COL12A1: variants seen among roughly 807,000 people sequenced by gnomAD.
COL12A1 encodes collagen type XII alpha 1 chain.
Under a neutral mutation model 349.7 loss-of-function variants are expected in COL12A1, and 114 were observed. That is an observed-to-expected ratio of 0.33 (90% CI 0.28 to 0.38). COL12A1 has a LOEUF of 0.38. Among genes scored for constraint, COL12A1 ranks in the 10% least tolerant of loss-of-function variants. The probability of loss-of-function intolerance (pLI) is 1.00; values close to 1 mark genes in which losing one functional copy is unlikely to be tolerated. For missense variants in COL12A1, 3,284 were observed against 3,756.9 expected (o/e 0.87, Z 3.29); for synonymous variants, 1,369 against 1,329.0 (o/e 1.03, Z -0.66).
At chr6:75,096,276 A>T (rs879925037) in intron 59 of COL12A1, among the ~76,000 whole-genome samples, 13 of 152,234 alleles carry the variant, frequency 8.5e-5, no homozygotes, top group Non-Finnish European at 1.8e-4. Flanking sequence ...AATACTTAAC[A>T]TGAAAGTTTG....
chr6:75,151,142 T>A lies in COL12A1; in HGVS notation c.4146A>T (p.Pro1382=). ...AGAGAAACTCTGGGTTAAACTTACCTGGACCTTTGACACTGTTACACAAAT... is the reference window on the plus strand; with the variant it reads ...AGAGAAACTCTGGGTTAAACTTACCAGGACCTTTGACACTGTTACACAAAT... ...TINLCNSVKG[P]GDLEAPSNLV... The change falls in exon 21 of 66, where the codon CCA becomes CCT. Residue 1382 remains proline (P), a splice_region_variant and synonymous_variant. Coordinates refer to ENST00000322507, the MANE Select transcript of COL12A1 (RefSeq NM_004370.6). 1 of 1,444,156 alleles carries A rather than the reference T, an allele frequency of 6.9e-7. No individual in the cohort carries two copies. Among genetic ancestry groups the A allele is most frequent in the Non-Finnish European group, 9.3e-7 (1 of 1,075,340 alleles). The allele number at this position is 1,444,156 out of a possible 1,614,324, so 89.5% of individuals were successfully genotyped here.
intron 36 of COL12A1, 75 bp downstream of exon 36, chr6:75,130,777 A>C (rs1582098585): frequency 1.3e-6 from 2 of 1,576,558 alleles, no homozygotes; most frequent in East Asian, 4.5e-5. Flanking sequence ...CCCCCCTCCC[A>C]CCACTCATTC....
Position 75,087,734 on chromosome 6 carries a change from T to C in COL12A1, c.9024A>G (p.Glu3008=). The C allele has an allele frequency of 6.2e-7, 1 of 1,606,442 alleles. No homozygotes were observed. The highest frequency in any genetic ancestry group is 1.1e-5 in the South Asian group (1 of 89,670). ...TGGACCCTGGTGGACCTGTTCTGGA[T>C]TCTCCTTGTGGACCTAGTGTGGAGT... ...GLPGPPGPQG[E]SRTGPPGSTG... Residue 3008 remains glutamate, a synonymous_variant, in exon 65 of 66, where the codon GAA becomes GAG. Coordinates refer to ENST00000322507, the MANE Select transcript of COL12A1 (RefSeq NM_004370.6).
At chr6:75,113,514 T>C in intron 50 of COL12A1, 88 bp downstream of exon 50, 1 of 1,212,414 alleles carries the variant, frequency 8.2e-7, no homozygotes, top group Non-Finnish European at 1.1e-6. Context: ...AATATATATA[T>C]AGTCTATATT....
In COL12A1 at chr6:75,098,000, A is replaced by C. The variant is rs1400208068; in HGVS notation, c.8524-694T>G. Among the ~76,000 whole-genome samples, 4 of 152,214 alleles carry C rather than the reference A, an allele frequency of 2.6e-5. No homozygotes were observed. In the East Asian group the frequency reaches 7.7e-4, roughly 29 times the overall value. Reference sequence around the variant, plus strand: ...ATTTATAATATGTACTGGTCAATACATCATGTTCTAAAGCCTAAAATTTCC... The same window carrying C: ...ATTTATAATATGTACTGGTCAATACCTCATGTTCTAAAGCCTAAAATTTCC... On this transcript the variant is annotated intron_variant, in intron 58 of 65. Transcript: ENST00000322507.
At chr6:75,153,098 AT>A (rs1034876202) in intron 17 of COL12A1, among the ~76,000 whole-genome samples, 8 of 152,236 alleles carry the variant, frequency 5.3e-5, no homozygotes, top group South Asian at 2.1e-4. Flanking sequence ...GTAAAGATAT[AT>A]TTTTTAAACC....
chr6:75,098,599 C>T (rs567942015), intron 58 of COL12A1, among the ~76,000 whole-genome samples: 1 of 152,222 alleles, frequency 6.6e-6, no homozygotes, highest in South Asian at 2.1e-4. Context: ...GTCAGGGCTG[C>T]AGTGAGCTGT....
At chr6:75,111,721 G>C (rs747855354) in intron 51 of COL12A1, among the ~76,000 whole-genome samples, 13 of 151,808 alleles carry the variant, frequency 8.6e-5, no homozygotes, top group Non-Finnish European at 1.9e-4. Flanking sequence ...AGTAGAACTT[G>C]CTTTTCTGAT....
intron 51 of COL12A1, among the ~76,000 whole-genome samples, chr6:75,111,218 TG>T (rs1194355524): frequency 6.7e-6 from 1 of 150,030 alleles, no homozygotes; most frequent in Non-Finnish European, 1.5e-5. Context: ...AAGAGCACAG[TG>T]GGAAAAAAGG....
At position 75,121,527 on chromosome 6, in the gene COL12A1, C is replaced by A; in HGVS notation, c.6947-86G>T. The stretch of plus-strand genomic sequence containing the variant: ...TCACATAATTGAAAATGCAATATAA[C>A]ACCTTGCTACGCAAAGTGTGGTTCT... On this transcript the variant is annotated intron_variant, in intron 43 of 65. Transcript: ENST00000322507. 4 of 1,397,682 alleles carry A rather than the reference C, an allele frequency of 2.9e-6. No homozygotes were observed. In the East Asian group the frequency reaches 7.2e-5, roughly 25 times the overall value. 86.6% of individuals were successfully genotyped at this position (1,397,682 alleles called of 1,614,324 possible).
In COL12A1 at chr6:75,090,153, G is replaced by T. The variant is rs1399083059; in HGVS notation, c.8898C>A (p.Gly2966=). The change falls in exon 63 of 66, where the codon GGC becomes GGA. Residue 2966 remains glycine, a synonymous_variant. Transcript: ENST00000322507. This position sits in a 1 kb window ranked among gnomAD's most constrained non-coding sequence, Gnocchi z 4.1. ...RGEPGPGGRP[G]FPGTPGMQGP... ...CCTGCATCCCTGGTGTGCCCGGGAA[G>T]CCTGGCCGCCCCCCAGGCCCAGGTT... 6.2e-7 allele frequency: 1 copy of T among 1,613,978 alleles called. No homozygotes were observed. Among genetic ancestry groups the T allele is most frequent in the Non-Finnish European group, 8.5e-7 (1 of 1,180,004 alleles).
At chr6:75,132,515 C>T (rs1239865590) in intron 34 of COL12A1, among the ~76,000 whole-genome samples, 2 of 152,172 alleles carry the variant, frequency 1.3e-5, no homozygotes, top group Non-Finnish European at 2.9e-5. Flanking sequence ...CCATTCATTA[C>T]TTCTTCATTT....
At chr6:75,177,293 T>C (rs1409340689) in intron 12 of COL12A1, among the ~76,000 whole-genome samples, 1 of 151,940 alleles carries the variant, frequency 6.6e-6, no homozygotes, top group Non-Finnish European at 1.5e-5. Context: ...AAAAATTAGC[T>C]GGGTGTAGTT....
intron 38 of COL12A1, among the ~76,000 whole-genome samples, chr6:75,127,817 G>A (rs1582093429): frequency 6.6e-6 from 1 of 152,184 alleles, no homozygotes; most frequent in African/African-American, 2.4e-5. Context: ...AAATTGCTTA[G>A]TACAATAAAA....
intron 7 of COL12A1, 90 bp downstream of exon 7, chr6:75,189,127 C>A: frequency 7.3e-7 from 1 of 1,368,126 alleles, no homozygotes. Context: ...TAATAGCATC[C>A]TTCCTTGAGG....
At chr6:75,096,871 G>C (rs1218445692) in intron 59 of COL12A1, among the ~76,000 whole-genome samples, 1 of 140,702 alleles carries the variant, frequency 7.1e-6, no homozygotes, top group Admixed American at 7.6e-5. Flanking sequence ...ACTCCAGCCT[G>C]GGCGACAGAG....
In COL12A1 at chr6:75,101,691, A is replaced by G. The variant is rs374687927; in HGVS notation, c.8470-38T>C. The G allele has an allele frequency of 1.0e-5, 16 of 1,593,582 alleles. No individual in the cohort carries two copies. The African/African-American group carries it at 1.9e-4, about 19-fold the overall frequency. ...AAACAAACAAGTGAAACATTATAAT[A>G]TACTTCCTGTGTGGGAGAGAATCTT... is the stretch of plus-strand genomic sequence containing the variant. On this transcript the variant is annotated intron_variant, in intron 57 of 65. Transcript: ENST00000322507.
At chr6:75,194,767 G>C in intron 3 of COL12A1, 64 bp downstream of exon 3, 1 of 981,262 alleles carries the variant, frequency 1.0e-6, no homozygotes, top group Non-Finnish European at 1.6e-6. Flanking sequence ...AAGGGGAGAA[G>C]AGGTGGAGAT....
intron 2 of COL12A1, among the ~76,000 whole-genome samples, chr6:75,202,337 C>T (rs1446337953): frequency 1.3e-5 from 2 of 152,212 alleles, no homozygotes; most frequent in Non-Finnish European, 2.9e-5. Context: ...AGCGAGTGCG[C>T]CCGCTCTTCG....
Sources: gnomAD v4.1 joint callset for allele counts (sites outside exome capture counted in the v4.1 genomes callset) on GRCh38, gnomAD v4.1.1 for gene constraint, Gnocchi (gnomAD v3.1) non-coding constraint, MANE v1.5 for transcripts, NCBI Gene and HGNC (gene_info 2026-07-23, HGNC 2026-07-21) for gene names.